TYW1: variants seen among roughly 807,000 people sequenced by gnomAD.
TYW1 encodes the protein S-adenosyl-L-methionine-dependent tRNA 4-demethylwyosine synthase TYW1.
In TYW1, 46 loss-of-function variants were observed where a neutral mutation model predicts 96.2. That is an observed-to-expected ratio of 0.48 (90% CI 0.38 to 0.61). The LOEUF is 0.61. Ranked by LOEUF, TYW1 falls within the 20% of genes least tolerant of loss-of-function variation. TYW1 has a pLI of 0.00. For synonymous variants in TYW1, 274 were observed against 323.0 expected (o/e 0.85, Z 1.63); for missense variants, 684 against 909.6 (o/e 0.75, Z 3.19).
chr7:67,192,071 T>C (rs1384914749), intron 14 of TYW1, among the ~76,000 whole-genome samples: 1 of 151,724 alleles, frequency 6.6e-6, no homozygotes, highest in Non-Finnish European at 1.5e-5. Context: ...AATTTTTGTA[T>C]TTTTAATAGA....
chr7:67,137,632 A>G (rs34256863), intron 13 of TYW1, among the ~76,000 whole-genome samples: 1 of 151,962 alleles, frequency 6.6e-6, no homozygotes, highest in Non-Finnish European at 1.5e-5. Context: ...TTTAAACAAG[A>G]CTCTGGGAGG....
intron 15 of TYW1, among the ~76,000 whole-genome samples, chr7:67,199,835 T>C (rs1375041968): frequency 6.6e-6 from 1 of 151,796 alleles, no homozygotes; most frequent in Non-Finnish European, 1.5e-5. Flanking sequence ...ATTATCAACA[T>C]TAAAAGTAAC....
rs559683428 is a variant in TYW1 at position 67,084,439 on chromosome 7, G to A, written c.1384+900G>A. ...ACTTTATCATGCATCGGAATCATCT[G>A]GAGAGCTTGTTAAAACACAGATTGT... is the stretch of plus-strand genomic sequence containing the variant. On this transcript the variant is annotated intron_variant, in intron 11 of 15. Transcript: ENST00000359626. Among the ~76,000 whole-genome samples, 17 of 152,236 alleles carry A rather than the reference G, an allele frequency of 1.1e-4. No homozygotes were observed. In the East Asian group the frequency reaches 3.1e-3, roughly 28 times the overall value.
rs866565063 is a variant in TYW1, at chr7:67,163,984, A to G, written c.1699-19142A>G. Among the ~76,000 whole-genome samples, 4 of 152,086 alleles carry G rather than the reference A, an allele frequency of 2.6e-5. No individual in the cohort carries two copies. In the South Asian group the frequency reaches 8.3e-4, roughly 31 times the overall value. Reference sequence around the variant, plus strand: ...ACGCCTGGCAGAGCAGGAGAGTTTTAAGTATCTACTGTAATGGATAGCGGA... The same window carrying G: ...ACGCCTGGCAGAGCAGGAGAGTTTTGAGTATCTACTGTAATGGATAGCGGA... On this transcript the variant is annotated intron_variant, in intron 13 of 15. Coordinates refer to ENST00000359626, the MANE Select transcript of TYW1 (RefSeq NM_018264.4).
At chr7:67,042,966 C>A (rs557430963) in intron 7 of TYW1, among the ~76,000 whole-genome samples, 93 of 151,886 alleles carry the variant, frequency 6.1e-4, no homozygotes, top group African/African-American at 2.1e-3. Context: ...CTCTGTACTC[C>A]AGCTTAGGCA....
intron 12 of TYW1, among the ~76,000 whole-genome samples, chr7:67,102,745 G>A (rs1584563668): frequency 3.3e-5 from 5 of 152,160 alleles, no homozygotes; most frequent in Admixed American, 3.3e-4. Flanking sequence ...TCCGCCTCCA[G>A]GGTTCAAGTG....
chr7:67,140,017 C>A (rs1000371784), intron 13 of TYW1, among the ~76,000 whole-genome samples: 1 of 151,784 alleles, frequency 6.6e-6, no homozygotes, highest in Non-Finnish European at 1.5e-5. Flanking sequence ...GGAGAAGCCT[C>A]GCAATCATGA....
At chr7:67,165,094 C>G (rs1322462493) in intron 13 of TYW1, among the ~76,000 whole-genome samples, 2 of 151,684 alleles carry the variant, frequency 1.3e-5, no homozygotes, top group African/African-American at 2.4e-5. Flanking sequence ...ATATGCCTGT[C>G]GTGCTAAACT....
At chr7:67,153,745 A>G (rs1798877042) in intron 13 of TYW1, among the ~76,000 whole-genome samples, 3 of 152,176 alleles carry the variant, frequency 2.0e-5, no homozygotes, top group Middle Eastern at 3.2e-3. Context: ...TATACTAACT[A>G]TACTTGAATT....
rs201782412 is a variant in TYW1 at position 67,090,144 on chromosome 7, T to A, written c.1384+6605T>A. ...ACAGATGGTTTTCACAAGCTAGGTATGCTAACATACACATCATAAAGAAAA... is the reference window on the plus strand; with the variant it reads ...ACAGATGGTTTTCACAAGCTAGGTAAGCTAACATACACATCATAAAGAAAA... On this transcript the variant is annotated intron_variant, in intron 11 of 15. Coordinates refer to ENST00000359626, the MANE Select transcript of TYW1 (RefSeq NM_018264.4). Among the ~76,000 whole-genome samples, 8 of 152,306 alleles carry A rather than the reference T, an allele frequency of 5.3e-5. No individual in the cohort carries two copies. In the East Asian group the frequency reaches 7.7e-4, roughly 15 times the overall value.
At chr7:67,205,812 A>G (rs1312735831) in intron 15 of TYW1, among the ~76,000 whole-genome samples, 7 of 151,594 alleles carry the variant, frequency 4.6e-5, no homozygotes, top group Middle Eastern at 3.4e-3. Flanking sequence ...TTTTAATCCA[A>G]TAATTGTCCG....
At chr7:67,147,371 T>A (rs766976218) in intron 13 of TYW1, among the ~76,000 whole-genome samples, 2 of 152,080 alleles carry the variant, frequency 1.3e-5, no homozygotes, top group Admixed American at 6.5e-5. Flanking sequence ...CCTGGATCCA[T>A]TCCCCCACAG....
At chr7:67,123,567 C>T (rs1214062884) in intron 13 of TYW1, among the ~76,000 whole-genome samples, 2 of 152,116 alleles carry the variant, frequency 1.3e-5, no homozygotes, top group Non-Finnish European at 2.9e-5. Context: ...GGTTTGGAGA[C>T]TCAGGAGAAC....
At chr7:67,118,705 G>A (rs1168473668) in intron 13 of TYW1, among the ~76,000 whole-genome samples, 2 of 151,370 alleles carry the variant, frequency 1.3e-5, no homozygotes, top group African/African-American at 4.9e-5. Context: ...GACCAGCCTG[G>A]CAACATGGCA....
intron 15 of TYW1, among the ~76,000 whole-genome samples, chr7:67,200,435 T>G (rs1464201602): frequency 2.2e-4 from 34 of 152,080 alleles, no homozygotes; most frequent in African/African-American, 5.1e-4. Context: ...TTACATGGTG[T>G]TAGACGAGAG....
chr7:67,056,986 T>G (rs1415436446), intron 9 of TYW1, among the ~76,000 whole-genome samples: 1 of 152,102 alleles, frequency 6.6e-6, no homozygotes, highest in East Asian at 1.9e-4. Flanking sequence ...GTGAAGTGGT[T>G]GTGAAGTGGT....
At chr7:67,160,376 T>G (rs575614478) in intron 13 of TYW1, among the ~76,000 whole-genome samples, 1 of 152,342 alleles carries the variant, frequency 6.6e-6, no homozygotes, top group African/African-American at 2.4e-5. Flanking sequence ...TTTGTGATAT[T>G]GAAATAATTT....
chr7:67,209,872 A>G (rs1193460300), intron 15 of TYW1, among the ~76,000 whole-genome samples: 1 of 151,926 alleles, frequency 6.6e-6, no homozygotes, highest in African/African-American at 2.4e-5. Context: ...CACCTGGCCA[A>G]TTATTTTTTT....
At chr7:67,168,073 T>TACTCC (rs1443164856) in intron 13 of TYW1, among the ~76,000 whole-genome samples, 1 of 150,442 alleles carries the variant, frequency 6.6e-6, no homozygotes, top group Non-Finnish European at 1.5e-5. Context: ...TTTTTATAAA[T>TACTCC]ACTCCACCAT....
Sources: allele counts gnomAD v4.1 joint callset (sites outside exome capture counted in the v4.1 genomes callset), GRCh38; gene constraint gnomAD v4.1.1; transcripts MANE v1.5; gene names NCBI Gene and HGNC (gene_info 2026-07-23, HGNC 2026-07-21).